The following FARS2 variants were observed in gnomAD, a reference collection of about 807,000 sequenced individuals.
FARS2 encodes the protein phenylalanyl-tRNA synthetase 2, mitochondrial, also known as phenylalanine--tRNA ligase, mitochondrial.
FARS2 carries 40 observed loss-of-function variants against 46.4 expected under a neutral mutation model. The ratio of observed to expected loss-of-function variants is 0.86; its 90% CI spans 0.67 to 1.12. The LOEUF (loss-of-function observed/expected upper bound fraction) is 1.12. Ranked by LOEUF, FARS2 falls within the 50% of genes most tolerant of loss-of-function variation. The pLI, the probability that FARS2 is intolerant of heterozygous loss-of-function variation, is 0.00. For missense variants in FARS2, 513 were observed against 567.9 expected (o/e 0.90, Z 0.98); for synonymous variants, 234 against 214.9 (o/e 1.09, Z -0.78).
chr6:5,741,808 C>T (rs892600348), intron 6 of FARS2, among the ~76,000 whole-genome samples: 3 of 152,092 alleles, frequency 2.0e-5, no homozygotes, highest in Non-Finnish European at 4.4e-5. Context: ...ATGCCACCAC[C>T]CCCAGTTAAT....
At chr6:5,540,996 A>G (rs1049782342) in intron 4 of FARS2, among the ~76,000 whole-genome samples, 2 of 152,194 alleles carry the variant, frequency 1.3e-5, no homozygotes, top group South Asian at 2.1e-4. Flanking sequence ...GTTAGGGGTT[A>G]TATTTTCTTT....
chr6:5,622,174 C>T (rs1226014910), intron 6 of FARS2, among the ~76,000 whole-genome samples: 3 of 152,246 alleles, frequency 2.0e-5, no homozygotes, highest in Non-Finnish European at 2.9e-5. Context: ...ACTTATAAAA[C>T]AGCCCAGCCC....
chr6:5,323,913 C>T (rs759472341), intron 1 of FARS2, among the ~76,000 whole-genome samples: 14 of 152,190 alleles, frequency 9.2e-5, no homozygotes, highest in Non-Finnish European at 2.1e-4. Context: ...CCTCCCTGAC[C>T]AGAGACAATT....
chr6:5,381,865 G>A (rs77668293), intron 2 of FARS2, among the ~76,000 whole-genome samples: 3,021 of 152,252 alleles, frequency 0.02, 102 homozygotes, highest in South Asian at 0.092. Context: ...GATGTGTTGG[G>A]GGAAACCAAG....
At chr6:5,555,593 G>A (rs1771611866) in intron 5 of FARS2, among the ~76,000 whole-genome samples, 1 of 152,008 alleles carries the variant, frequency 6.6e-6, no homozygotes, top group Non-Finnish European at 1.5e-5. Context: ...ACTTAATGTG[G>A]GATTTTGCAG....
intron 6 of FARS2, among the ~76,000 whole-genome samples, chr6:5,649,968 C>A (rs1379267274): frequency 6.6e-6 from 1 of 152,166 alleles, no homozygotes; most frequent in East Asian, 1.9e-4. Context: ...AGATTTCCTA[C>A]AGGTACTTTG....
intron 4 of FARS2, among the ~76,000 whole-genome samples, chr6:5,479,220 C>A (rs542974638): frequency 1.3e-5 from 2 of 152,274 alleles, no homozygotes; most frequent in East Asian, 1.9e-4. Context: ...TTTAGGGAAA[C>A]CCTCCTTGGG....
At chr6:5,367,041 T>C (rs1758728069) in intron 1 of FARS2, among the ~76,000 whole-genome samples, 2 of 152,324 alleles carry the variant, frequency 1.3e-5, no homozygotes, top group African/African-American at 4.8e-5. Context: ...TTTGAAAATG[T>C]CTCCCATGAT....
intron 6 of FARS2, among the ~76,000 whole-genome samples, chr6:5,622,126 G>A (rs1485120647): frequency 2.0e-5 from 3 of 152,320 alleles, no homozygotes; most frequent in East Asian, 1.9e-4. Context: ...ATGGACCACC[G>A]TTGGGTTAAG....
intron 6 of FARS2, among the ~76,000 whole-genome samples, chr6:5,717,267 T>C (rs1346160107): frequency 3.3e-5 from 5 of 152,114 alleles, no homozygotes; most frequent in South Asian, 2.1e-4. Flanking sequence ...AGACCTAAAG[T>C]GCCCCAATGT....
intron 6 of FARS2, among the ~76,000 whole-genome samples, chr6:5,648,339 A>G (rs1408642094): frequency 6.6e-6 from 1 of 152,148 alleles, no homozygotes; most frequent in African/African-American, 2.4e-5. Context: ...GCTGTCACTT[A>G]CTGGCAAGAA....
chr6:5,512,606 A>T (rs188524382), intron 4 of FARS2, among the ~76,000 whole-genome samples: 1 of 152,134 alleles, frequency 6.6e-6, no homozygotes, highest in Admixed American at 6.5e-5. Context: ...TGAAAACATT[A>T]CTCAGCATTT....
chr6:5,428,339 A>G (rs1762964197), intron 3 of FARS2, among the ~76,000 whole-genome samples: 1 of 152,196 alleles, frequency 6.6e-6, no homozygotes, highest in Admixed American at 6.5e-5. Context: ...TGAGAAAGTA[A>G]ACTTGTGTAG....
intron 6 of FARS2, among the ~76,000 whole-genome samples, chr6:5,672,210 G>A (rs577407332): frequency 3.3e-5 from 5 of 152,234 alleles, no homozygotes; most frequent in East Asian, 1.9e-4. Context: ...TTTCCTCACC[G>A]ACCCAAAGTG....
intron 6 of FARS2, among the ~76,000 whole-genome samples, chr6:5,722,197 C>T (rs1405196919): frequency 6.6e-6 from 1 of 152,176 alleles, no homozygotes; most frequent in Non-Finnish European, 1.5e-5. Flanking sequence ...TCTACTGTTG[C>T]TTTTGCACCA....
chr6:5,262,571 G>A (rs1386457269), intron 1 of FARS2, among the ~76,000 whole-genome samples: 1 of 152,134 alleles, frequency 6.6e-6, no homozygotes, highest in Non-Finnish European at 1.5e-5. Context: ...GAGTCATCAC[G>A]CCCAGCCTCT....
chr6:5,526,253 A>G (rs955111447), intron 4 of FARS2, among the ~76,000 whole-genome samples: 7 of 152,204 alleles, frequency 4.6e-5, no homozygotes, highest in African/African-American at 1.7e-4. Flanking sequence ...TTGTTTTTAA[A>G]TGTCATCTTT....
chr6:5,648,151 C>G (rs181757568), intron 6 of FARS2, among the ~76,000 whole-genome samples: 1 of 152,160 alleles, frequency 6.6e-6, no homozygotes, highest in East Asian at 1.9e-4. Flanking sequence ...AAGATAATTC[C>G]GGAGAATTTC....
In FARS2 at chr6:5,343,730, A is replaced by G. The variant is rs1757048480; in HGVS notation, c.-21-24820A>G. On this transcript the variant is annotated intron_variant, in intron 1 of 6. Transcript: ENST00000274680. This position sits in a 1 kb window ranked among gnomAD's most constrained non-coding sequence, Gnocchi z 4.5. ...AGCTGGTATGACATGGGTTCTGTCT[A>G]GGGATTCTCCTGTGGGAGGGAGAGG... Among the ~76,000 whole-genome samples the G allele has an allele frequency of 6.6e-6, 1 of 152,174 alleles. No homozygotes were observed.
Sources: allele counts gnomAD v4.1 joint callset (sites outside exome capture counted in the v4.1 genomes callset), GRCh38; gene constraint gnomAD v4.1.1; non-coding constraint Gnocchi (gnomAD v3.1); transcripts MANE v1.5; gene names NCBI Gene and HGNC (gene_info 2026-07-23, HGNC 2026-07-21).